Variants in PHIP observed in about 807,000 individuals in gnomAD.
PHIP encodes the protein PHIP subunit of CUL4-Ring ligase complex.
PHIP carries 54 observed loss-of-function variants against 236.8 expected under a neutral mutation model. That is an observed-to-expected ratio of 0.23 (90% CI 0.18 to 0.29). The LOEUF is 0.29. Among genes scored for constraint, PHIP ranks in the 10% least tolerant of loss-of-function variants. PHIP has a pLI of 1.00. For missense variants in PHIP, 1,370 were observed against 2,190.8 expected, an observed-to-expected ratio of 0.63 and a Z score of 7.48; for synonymous variants, 756 against 718.9, an observed-to-expected ratio of 1.05 and a Z score of -0.83.
intron 7 of PHIP, among the ~76,000 whole-genome samples, chr6:79,030,392 A>C (rs538695611): frequency 7.9e-5 from 12 of 152,350 alleles, no homozygotes; most frequent in Non-Finnish European, 1.0e-4. Context: ...ATTTCTTTTC[A>C]GTAACATCTC....
chr6:78,988,492 T>C, intron 20 of PHIP, 143 bp from the exon 21 acceptor site: 1 of 556,222 alleles, frequency 1.8e-6, no homozygotes, highest in South Asian at 2.8e-5. Flanking sequence ...GGAAGATTGC[T>C]TGAGCCTAGG....
intron 29 of PHIP, among the ~76,000 whole-genome samples, chr6:78,963,538 T>C (rs751748017): frequency 4.6e-5 from 7 of 152,182 alleles, no homozygotes; most frequent in Non-Finnish European, 8.8e-5. Flanking sequence ...CTATAAAATA[T>C]GCAAATTTCA....
At chr6:78,956,210 C>G (rs183370340) in intron 32 of PHIP, 1 of 152,176 alleles carries the variant, frequency 6.6e-6, no homozygotes, top group Admixed American at 6.5e-5. Context: ...GTTCCTTTTT[C>G]TATTTTTCTT....
intron 9 of PHIP, among the ~76,000 whole-genome samples, chr6:79,023,624 T>TTA (rs1027617942): frequency 6.6e-6 from 1 of 151,740 alleles, no homozygotes; most frequent in Non-Finnish European, 1.5e-5. Context: ...GAAAACAAAA[T>TTA]TATATATATA....
At chr6:79,015,883 TAA>T (rs1770812041) in intron 13 of PHIP, 100 bp from the exon 14 acceptor site, 1 of 711,058 alleles carries the variant, frequency 1.4e-6, no homozygotes, top group Non-Finnish European at 2.3e-6. Context: ...ACTAACATAA[TAA>T]CTATCACTTA....
intron 15 of PHIP, among the ~76,000 whole-genome samples, chr6:79,007,625 T>C (rs1182206476): frequency 6.6e-6 from 1 of 150,666 alleles, no homozygotes; most frequent in Non-Finnish European, 1.5e-5. Flanking sequence ...GTTATTTCAA[T>C]TCTATTAGCA....
chr6:78,964,059 T>G (rs1265164341), intron 29 of PHIP, among the ~76,000 whole-genome samples: 7 of 152,206 alleles, frequency 4.6e-5, no homozygotes, highest in Admixed American at 3.9e-4. Flanking sequence ...TAACACCAAC[T>G]GGCTGCATTG....
Position 78,963,255 on chromosome 6 carries a change from G to T in PHIP, c.3380-3C>A. ...ACCTAGTTCTTCAGGAAATACAGCT[G>T]AAATAGAAAAGCAGATCATTGCAAA... is the stretch of plus-strand genomic sequence containing the variant. On this transcript the variant is annotated splice_polypyrimidine_tract_variant and splice_region_variant and intron_variant, in intron 29 of 39. Coordinates refer to ENST00000275034, the MANE Select transcript of PHIP (RefSeq NM_017934.7). 6.3e-7 allele frequency: 1 copy of T among 1,594,464 alleles called. No individual in the cohort carries two copies. Among genetic ancestry groups the T allele is most frequent in the South Asian group, 1.2e-5 (1 of 86,686 alleles).
rs1463376178 is a variant in PHIP, at chr6:78,954,805, A to G, written c.4053+9T>C. The G allele has an allele frequency of 2.8e-5, 43 of 1,561,352 alleles. No homozygotes were observed. Among genetic ancestry groups the G allele is most frequent in the Non-Finnish European group, 3.6e-5 (42 of 1,158,458 alleles). ...GACAGGTAAAGAAAATATTTTCAAAAATACTTACTGGATATTCAAGGAGAT... is the reference window on the plus strand; with the variant it reads ...GACAGGTAAAGAAAATATTTTCAAAGATACTTACTGGATATTCAAGGAGAT... On this transcript the variant is annotated intron_variant, in intron 35 of 39. Transcript: ENST00000275034.
rs1766569040 is a variant in PHIP, at chr6:78,958,456, A to G, written c.3782+19T>C. 7.5e-7 allele frequency: 1 copy of G among 1,342,096 alleles called. No individual in the cohort carries two copies. Among genetic ancestry groups the G allele is most frequent in the Non-Finnish European group, 1.1e-6 (1 of 938,350 alleles). 83.1% of individuals were successfully genotyped at this position (1,342,096 alleles called of 1,614,324 possible). ...TAATTATTAAAACTATCATAATTAC[A>G]TATGAAAAGATAACTTACTTTATAA... On this transcript the variant is annotated intron_variant, in intron 32 of 39. Transcript: ENST00000275034.
At position 78,946,020 on chromosome 6, in the gene PHIP, A is replaced by T; in HGVS notation, c.4611T>A (p.Ser1537=). ...AKTFITKANA[S]AIPGKTILEN... is the part of the protein sequence containing the mutation. ...TCTTACTTGTTTTCCCTGGTATTGC[A>T]GATGCATTAGCTTTTGTAATAAAAG... is the stretch of plus-strand genomic sequence containing the variant. The change falls in exon 38 of 40, where the codon TCT becomes TCA. Residue 1537 remains serine (S), a synonymous_variant. Coordinates refer to ENST00000275034, the MANE Select transcript of PHIP (RefSeq NM_017934.7). 1 of 1,607,770 alleles carries T rather than the reference A, an allele frequency of 6.2e-7. No homozygotes were observed. Among genetic ancestry groups the T allele is most frequent in the Non-Finnish European group, 8.5e-7 (1 of 1,174,330 alleles).
chr6:79,056,590 G>A (rs1773086450), intron 6 of PHIP, among the ~76,000 whole-genome samples: 1 of 152,118 alleles, frequency 6.6e-6, no homozygotes, highest in Non-Finnish European at 1.5e-5. Context: ...TGACAAGGGG[G>A]TAGTGGGGAT....
chr6:79,012,128 A>C (rs1405038187), intron 15 of PHIP, among the ~76,000 whole-genome samples: 1 of 151,678 alleles, frequency 6.6e-6, no homozygotes, highest in African/African-American at 2.4e-5. Context: ...AATGCAGTAA[A>C]ATGCTGATGA....
In PHIP at chr6:78,946,877, G is replaced by C. The variant is rs1367700810; in HGVS notation, c.4207-3C>G. ...AGGCGCAAACTCATGCTGTAAATCT[G>C]TGAGGGAAAAAAAAAAGTGTTCAAC... On this transcript the variant is annotated splice_polypyrimidine_tract_variant and splice_region_variant and intron_variant, in intron 36 of 39. Coordinates refer to ENST00000275034, the MANE Select transcript of PHIP (RefSeq NM_017934.7). 1 of 1,538,828 alleles carries C rather than the reference G, an allele frequency of 6.5e-7. No homozygotes were observed. The highest frequency in any genetic ancestry group is 1.4e-5 in the African/African-American group (1 of 69,440).
intron 15 of PHIP, among the ~76,000 whole-genome samples, chr6:79,006,219 C>G (rs1465728629): frequency 6.6e-6 from 1 of 151,908 alleles, no homozygotes; most frequent in Non-Finnish European, 1.5e-5. Flanking sequence ...CTAACTTCAT[C>G]AATTAAAAGA....
At chr6:79,048,250 G>T (rs1772602172) in intron 6 of PHIP, among the ~76,000 whole-genome samples, 1 of 151,860 alleles carries the variant, frequency 6.6e-6, no homozygotes, top group African/African-American at 2.4e-5. Context: ...CTAGAACATG[G>T]TGCTTTCTTC....
rs147542012 is a variant in PHIP at position 79,015,707 on chromosome 6, T to C, written c.1312A>G (p.Thr438Ala). 2.5e-5 allele frequency: 40 copies of C among 1,606,942 alleles called. No homozygotes were observed. In the African/African-American group the frequency reaches 5.0e-4, roughly 20 times the overall value. The change falls in exon 14 of 40, where the codon ACA (threonine) becomes GCA (alanine). Residue 438 changes from threonine to alanine, a missense_variant. Around this residue, in one of 14 missense-constraint regions of PHIP, gnomAD observed 188 missense variants for 354.3 expected, o/e 0.53. Coordinates refer to ENST00000275034, the MANE Select transcript of PHIP (RefSeq NM_017934.7). ...ATGTTATTAACTGCAGTTATAACTGTATTGTCATGTCGATCCCAAGCTACC... is the reference window on the plus strand; with the variant it reads ...ATGTTATTAACTGCAGTTATAACTGCATTGTCATGTCGATCCCAAGCTACC... ...TMVAWDRHDNTVITAVNNMTL... is the reference protein window; with the variant it reads ...TMVAWDRHDNAVITAVNNMTL...
chr6:79,075,842 C>G (rs1774130072), intron 4 of PHIP, among the ~76,000 whole-genome samples: 1 of 152,054 alleles, frequency 6.6e-6, no homozygotes, highest in East Asian at 1.9e-4. Context: ...TTTGTAAAAC[C>G]TGCCCCATCT....
intron 23 of PHIP, among the ~76,000 whole-genome samples, chr6:78,981,893 G>C (rs1191948625): frequency 6.6e-6 from 1 of 151,832 alleles, no homozygotes; most frequent in African/African-American, 2.4e-5. Context: ...AAAAGCAAAG[G>C]AGACAACAAG....
Sources: gnomAD v4.1 joint callset for allele counts (sites outside exome capture counted in the v4.1 genomes callset) on GRCh38, gnomAD v4.1.1 for gene constraint, gnomAD v4.1.1 regional missense constraint, MANE v1.5 for transcripts, NCBI Gene and HGNC (gene_info 2026-07-23, HGNC 2026-07-21) for gene names.